PKN2: variants seen among roughly 807,000 people sequenced by gnomAD.
PKN2 encodes the protein serine/threonine-protein kinase N2.
PKN2 carries 38 observed loss-of-function variants against 119.1 expected under a neutral mutation model. The ratio of observed to expected loss-of-function variants is 0.32; its 90% CI spans 0.25 to 0.42. The LOEUF (loss-of-function observed/expected upper bound fraction) is 0.42. PKN2 is among the 10% of genes least tolerant of loss of function. PKN2 has a pLI of 1.00. For missense variants in PKN2, 850 were observed against 1,165.1 expected (o/e 0.73, Z 3.94); for synonymous variants, 390 against 384.9 (o/e 1.01, Z -0.15).
intron 6 of PKN2, among the ~76,000 whole-genome samples, chr1:88,784,328 G>T (rs1247644290): frequency 6.6e-6 from 1 of 151,698 alleles, no homozygotes. Context: ...TTGCCATGTT[G>T]CCCAGGCTGG....
chr1:88,739,921 A>G (rs1346608273), intron 1 of PKN2, among the ~76,000 whole-genome samples: 1 of 152,144 alleles, frequency 6.6e-6, no homozygotes, highest in Non-Finnish European at 1.5e-5. Context: ...CAATTGGAGT[A>G]CTTAGCCTTG....
intron 1 of PKN2, among the ~76,000 whole-genome samples, chr1:88,695,486 T>A (rs1218966933): frequency 6.6e-6 from 1 of 152,140 alleles, no homozygotes; most frequent in Non-Finnish European, 1.5e-5. Flanking sequence ...ATCCTTGTCT[T>A]AACTCTTATT....
At chr1:88,720,814 G>T (rs1057460379) in intron 1 of PKN2, among the ~76,000 whole-genome samples, 1 of 152,102 alleles carries the variant, frequency 6.6e-6, no homozygotes, top group African/African-American at 2.4e-5. Flanking sequence ...AAAGTCCATT[G>T]TATCATTCTT....
chr1:88,695,180 A>C (rs1317817463), intron 1 of PKN2, among the ~76,000 whole-genome samples: 1 of 152,192 alleles, frequency 6.6e-6, no homozygotes, highest in African/African-American at 2.4e-5. Context: ...TGCAAATTTA[A>C]AATAGAGCAC....
intron 1 of PKN2, among the ~76,000 whole-genome samples, chr1:88,688,466 C>A (rs953401366): frequency 2.0e-5 from 3 of 152,150 alleles, no homozygotes; most frequent in Non-Finnish European, 4.4e-5. Context: ...TATGAACTTT[C>A]TACAAATTGG....
chr1:88,805,698 C>G (rs549626137), intron 11 of PKN2, 27 bp downstream of exon 11: 57 of 1,611,274 alleles, frequency 3.5e-5, no homozygotes, highest in South Asian at 1.8e-4. Context: ...TTAAGCATCT[C>G]TTATACAAAG....
At chr1:88,764,985 C>T (rs551983189) in intron 3 of PKN2, among the ~76,000 whole-genome samples, 1 of 152,080 alleles carries the variant, frequency 6.6e-6, no homozygotes, top group Non-Finnish European at 1.5e-5. Context: ...AGTGCAGTGG[C>T]GCAATTGGCT....
chr1:88,725,474 G>GT (rs1180980129), intron 1 of PKN2, among the ~76,000 whole-genome samples: 7 of 152,070 alleles, frequency 4.6e-5, no homozygotes. Flanking sequence ...TATTATTGTG[G>GT]TTTTAACTTG....
At chr1:88,826,393 G>T (rs1043584075) in intron 18 of PKN2, among the ~76,000 whole-genome samples, 1 of 151,934 alleles carries the variant, frequency 6.6e-6, no homozygotes, top group African/African-American at 2.4e-5. Flanking sequence ...TCGTATGAAG[G>T]TAGATAGTTT....
intron 1 of PKN2, among the ~76,000 whole-genome samples, chr1:88,710,253 A>G (rs1667173234): frequency 6.6e-6 from 1 of 152,218 alleles, no homozygotes; most frequent in Non-Finnish European, 1.5e-5. Context: ...AGTTTAAAGA[A>G]GAGATTAATT....
Position 88,770,384 on chromosome 1 carries a change from G to A in PKN2, c.537G>A (p.Leu179=), listed in dbSNP as rs1669836939. 3 of 1,613,040 alleles carry A rather than the reference G, an allele frequency of 1.9e-6. No individual in the cohort carries two copies. Among genetic ancestry groups the A allele is most frequent in the Middle Eastern group, 1.7e-4 (1 of 6,056 alleles). ...AACTCCATGGTACAGCTCAGCAACT[G>A]CTCCAGGACAGCAAGACAAAAATAG... ...DRKLHGTAQQ[L]LQDSKTKIEV... The change falls in exon 4 of 22, where the codon CTG becomes CTA. Residue 179 remains leucine (L), a synonymous_variant. Coordinates refer to ENST00000370521, the MANE Select transcript of PKN2 (RefSeq NM_006256.4).
intron 15 of PKN2, among the ~76,000 whole-genome samples, chr1:88,808,476 T>G (rs2100883475): frequency 6.6e-6 from 1 of 152,130 alleles, no homozygotes; most frequent in Admixed American, 6.5e-5. Flanking sequence ...CAGCTTTTTT[T>G]TGTATTTTTA....
At chr1:88,786,326 T>G in intron 8 of PKN2, 113 bp downstream of exon 8, 1 of 542,888 alleles carries the variant, frequency 1.8e-6, no homozygotes, top group South Asian at 3.1e-5. Context: ...AAAATAGAAC[T>G]TAGATTTTTT....
chr1:88,775,512 C>T (rs138322334), intron 6 of PKN2, among the ~76,000 whole-genome samples: 12 of 152,014 alleles, frequency 7.9e-5, no homozygotes, highest in East Asian at 1.9e-4. Flanking sequence ...ATTCATTTAC[C>T]GAAGGACTTC....
intron 8 of PKN2, among the ~76,000 whole-genome samples, chr1:88,796,167 T>TGGGAC (rs1210965314): frequency 6.6e-6 from 1 of 152,220 alleles, no homozygotes; most frequent in African/African-American, 2.4e-5. Context: ...AAATTTTTTT[T>TGGGAC]CAGATCTTAG....
At chr1:88,715,059 A>G (rs1433985978) in intron 1 of PKN2, among the ~76,000 whole-genome samples, 1 of 151,872 alleles carries the variant, frequency 6.6e-6, no homozygotes, top group Non-Finnish European at 1.5e-5. Context: ...GGTTCTGTTG[A>G]TATGCTGGAT....
chr1:88,689,601 A>G (rs958118288), intron 1 of PKN2, among the ~76,000 whole-genome samples: 1 of 152,190 alleles, frequency 6.6e-6, no homozygotes, highest in Non-Finnish European at 1.5e-5. Context: ...ACCTGAGGTC[A>G]GGAGTTCGAG....
chr1:88,684,575 AG>A lies in PKN2; in HGVS notation c.-5del. 2 of 1,546,718 alleles carry A rather than the reference AG, an allele frequency of 1.3e-6. No individual in the cohort carries two copies. The highest frequency in any genetic ancestry group is 1.7e-6 in the Non-Finnish European group (2 of 1,146,628). The stretch of plus-strand genomic sequence containing the variant: ...CGTCCAGGTGCGGAGTCCATACCGG[AG>A]CGCAATGGCGTCCAACCCCGAACGG... On this transcript the variant is annotated 5_prime_UTR_variant, in exon 1 of 22. Coordinates refer to ENST00000370521, the MANE Select transcript of PKN2 (RefSeq NM_006256.4).
chr1:88,765,779 A>G (rs1332073706), intron 3 of PKN2, among the ~76,000 whole-genome samples: 1 of 152,090 alleles, frequency 6.6e-6, no homozygotes, highest in Non-Finnish European at 1.5e-5. Context: ...TCCCTTAACT[A>G]AAATTGATTC....
Sources: allele counts gnomAD v4.1 joint callset (sites outside exome capture counted in the v4.1 genomes callset), GRCh38; gene constraint gnomAD v4.1.1; transcripts MANE v1.5; gene names NCBI Gene and HGNC (gene_info 2026-07-23, HGNC 2026-07-21).